Variants in CD59 observed in about 807,000 individuals in gnomAD.
CD59 encodes the protein CD59 molecule (CD59 blood group), also known as CD59 glycoprotein.
A neutral mutation model predicts 7.0 loss-of-function variants in CD59; 3 were observed. That is an observed-to-expected ratio of 0.43 (90% CI 0.19 to 1.10). The LOEUF is 1.10. Among genes scored for constraint, CD59 ranks in the 50% least tolerant of loss-of-function variants. The pLI is 0.29. For missense variants in CD59, 143 were observed against 151.0 expected (o/e 0.95, Z 0.28); for synonymous variants, 60 against 62.0 (o/e 0.97, Z 0.15).
At chr11:33,711,821 C>G (rs1590516670) in intron 3 of CD59, among the ~76,000 whole-genome samples, 1 of 152,198 alleles carries the variant, frequency 6.6e-6, no homozygotes, top group African/African-American at 2.4e-5. Flanking sequence ...CCACTTTATA[C>G]TCACTAGGAT....
chr11:33,710,479 G>T (rs1853496011), intron 3 of CD59, 136 bp from the exon 4 acceptor site: 1 of 732,380 alleles, frequency 1.4e-6, no homozygotes, highest in African/African-American at 1.7e-5. Context: ...CAGGTGGGTT[G>T]TAAAGGAGAA....
rs1470654135 is a variant in CD59, at chr11:33,706,909, G to C, written c.*3217C>G. 6.6e-6 allele frequency: 1 copy of C among 152,250 alleles called. No individual in the cohort carries two copies. The highest frequency in any genetic ancestry group is 1.5e-5 in the Non-Finnish European group (1 of 68,038). 9.4% of individuals were successfully genotyped at this position (152,250 alleles called of 1,614,324 possible). ...TCCAAAGCTAGGCACATATTAAAGA[G>C]AGTATACAAAATAGGCAGAGAAGTA... On this transcript the variant is annotated 3_prime_UTR_variant, in exon 4 of 4. Transcript: ENST00000642928.
In CD59 at chr11:33,725,289, A is replaced by C. The variant is rs188517156; in HGVS notation, c.-18-2826T>G. Among the ~76,000 whole-genome samples, 38 of 151,626 alleles carry C rather than the reference A, an allele frequency of 2.5e-4. 1 individual carries two copies. The highest frequency in any genetic ancestry group is 1.9e-3 in the East Asian group (10 of 5,174). ...TAAAACACCCTCCATTTTAAGGAAA[A>C]AAAAAAAAAAAAAAGAAGATGCCCA... On this transcript the variant is annotated intron_variant, in intron 1 of 3. Transcript: ENST00000642928.
At chr11:33,729,545 T>C (rs752822813) in intron 1 of CD59, among the ~76,000 whole-genome samples, 62 of 152,006 alleles carry the variant, frequency 4.1e-4, no homozygotes, top group Non-Finnish European at 6.9e-4. Context: ...AGGGATAGCA[T>C]TAGGAGAAAT....
chr11:33,722,682 C>A, intron 1 of CD59: 1 of 1,356,120 alleles, frequency 7.4e-7, no homozygotes, highest in Non-Finnish European at 9.6e-7. Context: ...TACTACCACA[C>A]TGTGGGAATA....
intron 1 of CD59, among the ~76,000 whole-genome samples, chr11:33,730,710 G>A (rs1346500112): frequency 6.6e-6 from 1 of 151,956 alleles, no homozygotes; most frequent in Non-Finnish European, 1.5e-5. Context: ...ATCTCTTGCA[G>A]TTCTTGAGTA....
chr11:33,722,252 T>C (rs1854100755), intron 2 of CD59, 127 bp downstream of exon 2: 5 of 743,796 alleles, frequency 6.7e-6, no homozygotes, highest in South Asian at 4.3e-5. Context: ...ACCCCAGACC[T>C]GTAACACTGG....
rs575522601 is a variant in CD59, at chr11:33,704,970, A to G, written c.*5156T>C. 6.6e-6 allele frequency: 1 copy of G among 152,348 alleles called. No individual in the cohort carries two copies. Among genetic ancestry groups the G allele is most frequent in the African/African-American group, 2.4e-5 (1 of 41,444 alleles). The allele number at this position is 152,348 out of a possible 1,614,324, so 9.4% of individuals were successfully genotyped here. On this transcript the variant is annotated 3_prime_UTR_variant, in exon 4 of 4. Transcript: ENST00000642928. ...GTGCAGGCATTCCCATCTCCCTTTC[A>G]AAAAAGTTTCTAAAAAATGCAGAGC...
intron 3 of CD59, among the ~76,000 whole-genome samples, chr11:33,716,107 G>A (rs564102631): frequency 6.6e-6 from 1 of 152,294 alleles, no homozygotes; most frequent in South Asian, 2.1e-4. Flanking sequence ...CTTCCAGTGG[G>A]GGCAGAGGGA....
In CD59 at chr11:33,710,192, T is replaced by C. The variant is rs771003395; in HGVS notation, c.321A>G (p.Leu107=). The change falls in exon 4 of 4, where the codon TTA becomes TTG. Residue 107 remains leucine, a synonymous_variant. Coordinates refer to ENST00000642928, the MANE Select transcript of CD59 (RefSeq NM_000611.6). ...CCAGCAGAAGAACTGTTTTCTCTGA[T>C]AAGGATGTCCCACCATTTTCAAGCT... ...NEQLENGGTS[L]SEKTVLLLVT... is the part of the protein sequence containing the mutation. The C allele has an allele frequency of 6.2e-7, 1 of 1,614,038 alleles. No individual in the cohort carries two copies. Among genetic ancestry groups the C allele is most frequent in the African/African-American group, 1.3e-5 (1 of 74,936 alleles).
intron 3 of CD59, among the ~76,000 whole-genome samples, chr11:33,716,363 T>C (rs1189844655): frequency 6.6e-6 from 1 of 152,202 alleles, no homozygotes; most frequent in African/African-American, 2.4e-5. Context: ...TTTTCTGAGT[T>C]TACCTGACAT....
At chr11:33,728,319 A>G (rs1230323280) in intron 1 of CD59, among the ~76,000 whole-genome samples, 1 of 152,248 alleles carries the variant, frequency 6.6e-6, no homozygotes, top group Non-Finnish European at 1.5e-5. Context: ...GTACCGAAAC[A>G]GATATATAGA....
chr11:33,724,506 C>T (rs1414706543), intron 1 of CD59, among the ~76,000 whole-genome samples: 1 of 152,180 alleles, frequency 6.6e-6, no homozygotes, highest in Non-Finnish European at 1.5e-5. Flanking sequence ...GTTACATGTA[C>T]TGCATAGCAC....
chr11:33,734,207 A>T (rs1854499374), intron 1 of CD59, among the ~76,000 whole-genome samples: 1 of 152,250 alleles, frequency 6.6e-6, no homozygotes, highest in South Asian at 2.1e-4. Context: ...CACGGAACAA[A>T]TTACATCAGC....
chr11:33,722,475 G>A lies in CD59; in HGVS notation c.-18-12C>T, dbSNP rs1372851697. ...ATTGTCCACAGAACCTGGAAGGAAG[G>A]GACAGGAAGGAATGTCAGGAACGAA... is the stretch of plus-strand genomic sequence containing the variant. On this transcript the variant is annotated splice_polypyrimidine_tract_variant and intron_variant, in intron 1 of 3. Coordinates refer to ENST00000642928, the MANE Select transcript of CD59 (RefSeq NM_000611.6). The A allele has an allele frequency of 1.2e-5, 20 of 1,613,288 alleles. No individual in the cohort carries two copies. The highest frequency in any genetic ancestry group is 1.4e-5 in the Non-Finnish European group (17 of 1,179,606).
chr11:33,730,675 A>T (rs1343521925), intron 1 of CD59, among the ~76,000 whole-genome samples: 1 of 152,216 alleles, frequency 6.6e-6, no homozygotes, highest in African/African-American at 2.4e-5. Flanking sequence ...CCTCTTTAAG[A>T]AATTGCACAT....
At chr11:33,714,235 C>T (rs1853687117) in intron 3 of CD59, among the ~76,000 whole-genome samples, 1 of 152,222 alleles carries the variant, frequency 6.6e-6, no homozygotes, top group Non-Finnish European at 1.5e-5. Context: ...AGTACACACT[C>T]AGGCTATGTG....
At chr11:33,719,809 C>T (rs951002068) in intron 2 of CD59, among the ~76,000 whole-genome samples, 1 of 152,232 alleles carries the variant, frequency 6.6e-6, no homozygotes, top group African/African-American at 2.4e-5. Flanking sequence ...TGTTCTCCCC[C>T]ACTGTCAGCC....
rs1344048914 is a variant in CD59 at position 33,704,785 on chromosome 11, C to G, written c.*5341G>C. 1 of 152,582 alleles carries G rather than the reference C, an allele frequency of 6.6e-6. No homozygotes were observed. The highest frequency in any genetic ancestry group is 6.5e-5 in the Admixed American group (1 of 15,282). The allele number at this position is 152,582 out of a possible 1,614,324, so 9.5% of individuals were successfully genotyped here. A position where few individuals can be genotyped will look rare whatever the true frequency, so the allele number is the denominator to read the frequency against. On this transcript the variant is annotated 3_prime_UTR_variant, in exon 4 of 4. Transcript: ENST00000642928. ...CTAGCCTTCAGGGCAAGGCTGCACA[C>G]ACGGCCTCTAGTCTCCTACCCCTCT...
Sources: gnomAD v4.1 joint callset for allele counts (sites outside exome capture counted in the v4.1 genomes callset) on GRCh38, gnomAD v4.1.1 for gene constraint, MANE v1.5 for transcripts, NCBI Gene and HGNC (gene_info 2026-07-23, HGNC 2026-07-21) for gene names.